Variants in WDR7 observed in about 807,000 individuals in gnomAD.
WDR7 encodes WD repeat-containing protein 7.
WDR7 carries 46 observed loss-of-function variants against 169.4 expected under a neutral mutation model. The ratio of observed to expected loss-of-function variants is 0.27; its 90% CI spans 0.21 to 0.35. The LOEUF is 0.35. WDR7 is among the 10% of genes least tolerant of loss of function. The pLI is 1.00. For synonymous variants in WDR7, 612 were observed against 666.8 expected, an observed-to-expected ratio of 0.92 and a Z score of 1.27; for missense variants, 1,534 against 1,859.3, an observed-to-expected ratio of 0.83 and a Z score of 3.22.
chr18:56,820,339 C>CAAAAAAAAAAAAAAAAAAAAAA lies in WDR7; in HGVS notation c.3304+4199_3304+4220dup, dbSNP rs386387798. ...AAGGGTCAAGAGTCACTGACATTGT[C>CAAAAAAAAAAAAAAAAAAAAAA]AAAAAAAAAAAAAAAAAAAAAAAAA... On this transcript the variant is annotated intron_variant, in intron 20 of 27. Coordinates refer to ENST00000254442, the MANE Select transcript of WDR7 (RefSeq NM_015285.3). Among the ~76,000 whole-genome samples the CAAAAAAAAAAAAAAAAAAAAAA allele has an allele frequency of 1.2e-4, 5 of 42,480 alleles. 1 individual carries two copies. The highest frequency in any genetic ancestry group is 2.5e-4 in the African/African-American group (2 of 8,006). 27.9% of individuals were successfully genotyped at this position (42,480 alleles called of 152,430 possible).
chr18:56,946,886 T>C (rs1220265775), intron 25 of WDR7, among the ~76,000 whole-genome samples: 2 of 152,228 alleles, frequency 1.3e-5, no homozygotes, highest in Non-Finnish European at 2.9e-5. Flanking sequence ...GCTATAGATA[T>C]TTTTCTGTAA....
intron 20 of WDR7, among the ~76,000 whole-genome samples, chr18:56,874,871 G>A (rs1462588757): frequency 6.6e-6 from 1 of 150,970 alleles, no homozygotes; most frequent in African/African-American, 2.5e-5. Context: ...AACATTTTAG[G>A]AATCCAAGTA....
At chr18:56,734,534 A>AG (rs1305805280) in intron 14 of WDR7, among the ~76,000 whole-genome samples, 31 of 151,810 alleles carry the variant, frequency 2.0e-4, no homozygotes, top group African/African-American at 7.5e-4. Context: ...GAAAAAAAAA[A>AG]AAAAAAAGCT....
intron 13 of WDR7, among the ~76,000 whole-genome samples, chr18:56,725,892 C>T (rs2026439770): frequency 6.6e-6 from 1 of 152,154 alleles, no homozygotes; most frequent in African/African-American, 2.4e-5. Flanking sequence ...GTTTTCCCAG[C>T]ACCATTTGTT....
intron 21 of WDR7, chr18:56,890,955 A>G (rs946238602): frequency 6.6e-6 from 1 of 152,214 alleles, no homozygotes; most frequent in African/African-American, 2.4e-5. Flanking sequence ...AAATGTGAGT[A>G]TCTGAGCATT....
chr18:56,865,046 T>C (rs1568237374), intron 20 of WDR7, among the ~76,000 whole-genome samples: 1 of 152,030 alleles, frequency 6.6e-6, no homozygotes, highest in Non-Finnish European at 1.5e-5. Flanking sequence ...AATCCAGCGG[T>C]AAATATGTAT....
Position 56,731,437 on chromosome 18 carries a change from G to C in WDR7, c.1829G>C (p.Cys610Ser). 6.2e-7 allele frequency: 1 copy of C among 1,614,198 alleles called. No individual in the cohort carries two copies. Among genetic ancestry groups the C allele is most frequent in the Non-Finnish European group, 8.5e-7 (1 of 1,180,026 alleles). ...GITAVEILNA[C>S]DEAVPAAVDS... Reference sequence around the variant, plus strand: ...ACAGCAGTTGAGATTCTAAACGCTTGTGATGAAGCTGTTCCTGCTGCTGTT... The same window carrying C: ...ACAGCAGTTGAGATTCTAAACGCTTCTGATGAAGCTGTTCCTGCTGCTGTT... The change falls in exon 14 of 28, where the codon TGT becomes TCT. Residue 610 changes from cysteine to serine, a missense_variant. By Grantham distance (112) the Cys-to-Ser change is moderately radical (BLOSUM62 -1). Coordinates refer to ENST00000254442, the MANE Select transcript of WDR7 (RefSeq NM_015285.3).
intron 26 of WDR7, among the ~76,000 whole-genome samples, chr18:56,971,346 T>C (rs2047482679): frequency 6.6e-6 from 1 of 152,114 alleles, no homozygotes; most frequent in Non-Finnish European, 1.5e-5. Flanking sequence ...TTTGTCATCT[T>C]AGACAACAGA....
intron 12 of WDR7, among the ~76,000 whole-genome samples, chr18:56,710,002 AG>A (rs1330200948): frequency 8.8e-6 from 1 of 113,284 alleles, no homozygotes; most frequent in African/African-American, 4.5e-5. Context: ...ATATATATAT[AG>A]TTGTTTTTTT....
intron 21 of WDR7, among the ~76,000 whole-genome samples, chr18:56,896,679 C>G (rs558347508): frequency 1.3e-5 from 2 of 151,750 alleles, no homozygotes; most frequent in South Asian, 4.2e-4. Flanking sequence ...CCTGTCATTA[C>G]CAAAAATCAA....
chr18:56,978,814 A>G (rs762676863), intron 26 of WDR7, among the ~76,000 whole-genome samples: 5 of 152,206 alleles, frequency 3.3e-5, no homozygotes, highest in African/African-American at 4.8e-5. Flanking sequence ...GGACACAGGT[A>G]TCTACGTTTC....
intron 20 of WDR7, among the ~76,000 whole-genome samples, chr18:56,840,668 A>G (rs2045470804): frequency 6.6e-6 from 1 of 151,960 alleles, no homozygotes. Context: ...AAAAAATACA[A>G]AAGATTAGCT....
chr18:56,672,445 A>G (rs1001974589), intron 1 of WDR7, 52 bp from the exon 2 acceptor site: 2 of 1,359,602 alleles, frequency 1.5e-6, no homozygotes, highest in Non-Finnish European at 1.9e-6. Context: ...AATATATAAC[A>G]TGTTTTCGAG....
chr18:56,781,524 T>C lies in WDR7; in HGVS notation c.3067-9T>C. 1 of 1,587,922 alleles carries C rather than the reference T, an allele frequency of 6.3e-7. No homozygotes were observed. ...CTTTCTGCTTTTACATTTGGGTCTG[T>C]GGTCTTAGGTGAGAGAAGCCGCGCA... On this transcript the variant is annotated splice_polypyrimidine_tract_variant and intron_variant, in intron 18 of 27. Transcript: ENST00000254442.
chr18:56,928,524 T>A (rs546909908), intron 22 of WDR7, among the ~76,000 whole-genome samples: 2 of 152,170 alleles, frequency 1.3e-5, no homozygotes, highest in Admixed American at 6.5e-5. Context: ...GGGAATAGAT[T>A]AGGGTCAGAT....
At chr18:56,667,778 C>T (rs945921625) in intron 1 of WDR7, among the ~76,000 whole-genome samples, 1 of 152,112 alleles carries the variant, frequency 6.6e-6, no homozygotes, top group Admixed American at 6.5e-5. Flanking sequence ...CAAGTCTTAT[C>T]TATTATATCT....
intron 16 of WDR7, among the ~76,000 whole-genome samples, chr18:56,770,040 T>C (rs149236062): frequency 0.012 from 1,777 of 152,240 alleles, 17 homozygotes; most frequent in Non-Finnish European, 0.017. Flanking sequence ...GGCTGATACA[T>C]AGAAGGAGCT....
chr18:56,911,131 C>T (rs1002973467), intron 21 of WDR7, among the ~76,000 whole-genome samples: 19 of 152,102 alleles, frequency 1.2e-4, no homozygotes, highest in African/African-American at 1.9e-4. Flanking sequence ...GAACTACTGG[C>T]GAGTTCCCAT....
At chr18:57,011,805 A>G (rs900959938) in intron 26 of WDR7, among the ~76,000 whole-genome samples, 2 of 145,290 alleles carry the variant, frequency 1.4e-5, no homozygotes, top group Non-Finnish European at 3.2e-5. Flanking sequence ...AGTTCTTTTC[A>G]ATACTAGAGA....
Sources: gnomAD v4.1 joint callset for allele counts (sites outside exome capture counted in the v4.1 genomes callset) on GRCh38, gnomAD v4.1.1 for gene constraint, MANE v1.5 for transcripts, NCBI Gene and HGNC (gene_info 2026-07-23, HGNC 2026-07-21) for gene names.